Variants in PRCP observed in about 807,000 individuals in gnomAD.
The protein encoded by PRCP is lysosomal Pro-X carboxypeptidase.
PRCP carries 46 observed loss-of-function variants against 54.2 expected under a neutral mutation model. That is an observed-to-expected ratio of 0.85 (90% CI 0.67 to 1.09). The LOEUF (loss-of-function observed/expected upper bound fraction) is 1.09. Ranked by LOEUF, PRCP falls within the 50% of genes least tolerant of loss-of-function variation. PRCP has a pLI of 0.00. For missense variants in PRCP, 613 were observed against 596.8 expected (o/e 1.03, Z -0.28); for synonymous variants, 240 against 212.2 (o/e 1.13, Z -1.14).
intron 1 of PRCP, among the ~76,000 whole-genome samples, chr11:82,870,245 A>G (rs1418307663): frequency 6.6e-5 from 10 of 152,228 alleles, no homozygotes; most frequent in Admixed American, 6.5e-4. Flanking sequence ...TGTGCTGCAA[A>G]ATGTTGATTT....
intron 1 of PRCP, chr11:82,884,931 G>C: frequency 2.5e-6 from 4 of 1,607,316 alleles, no homozygotes; most frequent in Non-Finnish European, 3.4e-6. Flanking sequence ...ATTTTGAAAG[G>C]TTTTACTAGC....
intron 1 of PRCP, among the ~76,000 whole-genome samples, chr11:82,882,519 G>A (rs1386229154): frequency 1.5e-5 from 2 of 134,046 alleles, no homozygotes; most frequent in African/African-American, 3.1e-5. Flanking sequence ...TTTTTGAGAC[G>A]GAGTCTCGCT....
At chr11:82,895,330 G>A (rs1174823841) in intron 1 of PRCP, among the ~76,000 whole-genome samples, 2 of 152,126 alleles carry the variant, frequency 1.3e-5, no homozygotes, top group Middle Eastern at 3.2e-3. Flanking sequence ...AGGTTTTGTT[G>A]TAGTTGTTTT....
chr11:82,823,619 G>A lies in PRCP; in HGVS notation c.*1287C>T, dbSNP rs561990046. 1.3e-5 allele frequency: 2 copies of A among 152,080 alleles called. No individual in the cohort carries two copies. The highest frequency in any genetic ancestry group is 1.9e-4 in the East Asian group (1 of 5,188). 9.4% of individuals were successfully genotyped at this position (152,080 alleles called of 1,614,324 possible). On this transcript the variant is annotated 3_prime_UTR_variant, in exon 9 of 9. Transcript: ENST00000313010. ...AAGCAGAAAATGTTCCCAAGGCAGGGTGAAGAAAAAAAAATTATTGAGAGA... is the reference window on the plus strand; with the variant it reads ...AAGCAGAAAATGTTCCCAAGGCAGGATGAAGAAAAAAAAATTATTGAGAGA...
At chr11:82,837,252 T>C (rs954331590) in intron 8 of PRCP, 1 of 164,352 alleles carries the variant, frequency 6.1e-6, no homozygotes, top group Non-Finnish European at 1.4e-5. Context: ...ATTTTGCAAA[T>C]TGTGTTGTGG....
intron 1 of PRCP, among the ~76,000 whole-genome samples, chr11:82,896,708 A>G (rs1418369687): frequency 6.8e-6 from 1 of 146,180 alleles, no homozygotes; most frequent in African/African-American, 2.5e-5. Context: ...AAAAAGACTG[A>G]CTTCCCCTAA....
intron 6 of PRCP, chr11:82,845,794 G>A (rs1331674812): frequency 1.3e-5 from 2 of 152,208 alleles, no homozygotes; most frequent in East Asian, 1.9e-4. Flanking sequence ...AAGAAACCTA[G>A]TAGTTTTCAT....
chr11:82,893,107 T>C (rs1860041261), intron 1 of PRCP, among the ~76,000 whole-genome samples: 1 of 152,212 alleles, frequency 6.6e-6, no homozygotes, highest in South Asian at 2.1e-4. Context: ...AGCCAAGGAA[T>C]TGTGAGAAGA....
intron 1 of PRCP, among the ~76,000 whole-genome samples, chr11:82,885,313 C>T (rs1859839918): frequency 6.6e-6 from 1 of 152,152 alleles, no homozygotes; most frequent in African/African-American, 2.4e-5. Context: ...AGAAATATAA[C>T]ATGAGTGCTT....
At chr11:82,886,574 A>G (rs963957658) in intron 1 of PRCP, among the ~76,000 whole-genome samples, 2 of 152,262 alleles carry the variant, frequency 1.3e-5, no homozygotes, top group Admixed American at 6.5e-5. Flanking sequence ...GTGAACCAAC[A>G]TGTTTGGTTG....
At position 82,873,132 on chromosome 11, in the gene PRCP, G is replaced by A. The variant is rs1199907703; in HGVS notation, c.169-13015C>T. Reference sequence around the variant, plus strand: ...TAGAAGGCTATTGAAAGGTTCACATGGCACATGATTATGAGAACAAGCCAG... The same window carrying A: ...TAGAAGGCTATTGAAAGGTTCACATAGCACATGATTATGAGAACAAGCCAG... On this transcript the variant is annotated intron_variant, in intron 1 of 8. Transcript: ENST00000313010. Among the ~76,000 whole-genome samples the A allele has an allele frequency of 2.0e-5, 3 of 151,358 alleles. No individual in the cohort carries two copies. In the East Asian group the frequency reaches 5.8e-4, roughly 29 times the overall value.
At chr11:82,855,479 C>T (rs1859062947) in intron 2 of PRCP, among the ~76,000 whole-genome samples, 1 of 152,100 alleles carries the variant, frequency 6.6e-6, no homozygotes, top group East Asian at 1.9e-4. Context: ...CTTAGCCGGG[C>T]GTGGTGGCGG....
intron 6 of PRCP, among the ~76,000 whole-genome samples, chr11:82,845,455 A>C (rs562159842): frequency 2.8e-4 from 42 of 152,206 alleles, no homozygotes; most frequent in Non-Finnish European, 7.4e-5. Flanking sequence ...GAAAGGATTA[A>C]GCAGATACAT....
intron 1 of PRCP, among the ~76,000 whole-genome samples, chr11:82,864,270 C>T (rs1368097826): frequency 6.6e-6 from 1 of 152,206 alleles, no homozygotes; most frequent in Admixed American, 6.5e-5. Context: ...CTTTGCACAA[C>T]ATGAATTTAC....
At chr11:82,839,816 A>C in intron 6 of PRCP, 1 of 194,102 alleles carries the variant, frequency 5.2e-6, no homozygotes, top group Non-Finnish European at 1.0e-5. Flanking sequence ...TTGAACACCA[A>C]CTCATCTTTT....
At position 82,885,553 on chromosome 11, in the gene PRCP, G is replaced by A. The variant is rs141289781; in HGVS notation, c.168+14682C>T. Among the ~76,000 whole-genome samples the A allele has an allele frequency of 4.6e-3, 701 of 152,156 alleles. 5 individuals carry two copies. Among genetic ancestry groups the A allele is most frequent in the Non-Finnish European group, 8.3e-3 (563 of 68,004 alleles). The stretch of plus-strand genomic sequence containing the variant: ...TATACACTTTATTAAATAGAAGAAC[G>A]CATTTTTATTCTAAACAACATGTTA... On this transcript the variant is annotated intron_variant, in intron 1 of 8. Transcript: ENST00000313010.
intron 1 of PRCP, among the ~76,000 whole-genome samples, chr11:82,877,161 G>A (rs921352272): frequency 3.9e-5 from 6 of 152,092 alleles, no homozygotes; most frequent in Admixed American, 2.0e-4. Context: ...GATGATTTAG[G>A]GTATCTGGCA....
At position 82,823,531 on chromosome 11, in the gene PRCP, A is replaced by G. The variant is rs1375604267; in HGVS notation, c.*1375T>C. 2.4e-5 allele frequency: 3 copies of G among 126,152 alleles called. No homozygotes were observed. Among genetic ancestry groups the G allele is most frequent in the Middle Eastern group, 3.8e-3 (1 of 262 alleles). The allele number at this position is 126,152 out of a possible 1,614,324, so 7.8% of individuals were successfully genotyped here. A position where few individuals can be genotyped will look rare whatever the true frequency, so the allele number is the denominator to read the frequency against. ...GCTTTCCATCCCAAGAATGAACTCT[A>G]TATATGCCCTTAAAAAAAAAAAATG... On this transcript the variant is annotated 3_prime_UTR_variant, in exon 9 of 9. Coordinates refer to ENST00000313010, the MANE Select transcript of PRCP (RefSeq NM_005040.4).
At chr11:82,878,178 C>G (rs1859651814) in intron 1 of PRCP, among the ~76,000 whole-genome samples, 1 of 152,168 alleles carries the variant, frequency 6.6e-6, no homozygotes, top group Non-Finnish European at 1.5e-5. Flanking sequence ...ATACCTGTAC[C>G]CACATTGTAT....
Sources: allele counts gnomAD v4.1 joint callset (sites outside exome capture counted in the v4.1 genomes callset), GRCh38; gene constraint gnomAD v4.1.1; transcripts MANE v1.5; gene names NCBI Gene and HGNC (gene_info 2026-07-23, HGNC 2026-07-21).